Variants in PAPPA observed in about 807,000 individuals in gnomAD.
PAPPA encodes the protein pappalysin 1.
A neutral mutation model predicts 164.0 loss-of-function variants in PAPPA; 60 were observed. That is an observed-to-expected ratio of 0.37 (90% CI 0.30 to 0.45). The LOEUF (loss-of-function observed/expected upper bound fraction) is 0.45. Ranked by LOEUF, PAPPA falls within the 20% of genes least tolerant of loss-of-function variation. The pLI is 1.00. For missense variants in PAPPA, 1,782 were observed against 2,087.3 expected (o/e 0.85, Z 2.85); for synonymous variants, 875 against 814.1 (o/e 1.07, Z -1.27).
intron 5 of PAPPA, among the ~76,000 whole-genome samples, chr9:116,223,135 A>G (rs1350572647): frequency 6.6e-6 from 1 of 152,156 alleles, no homozygotes; most frequent in Non-Finnish European, 1.5e-5. Flanking sequence ...TGCACTTACT[A>G]TGCTCTGTAG....
At chr9:116,311,475 G>A (rs576842482) in intron 10 of PAPPA, among the ~76,000 whole-genome samples, 1 of 152,204 alleles carries the variant, frequency 6.6e-6, no homozygotes. Context: ...AAAGTGACAG[G>A]TTATGTAGAA....
chr9:116,378,600 G>T (rs1177900885), intron 20 of PAPPA, among the ~76,000 whole-genome samples: 1 of 152,170 alleles, frequency 6.6e-6, no homozygotes, highest in Non-Finnish European at 1.5e-5. Context: ...TTTAAAATGG[G>T]TAAACAGAGA....
intron 13 of PAPPA, among the ~76,000 whole-genome samples, chr9:116,340,270 G>A (rs981186924): frequency 6.6e-6 from 1 of 152,156 alleles, no homozygotes; most frequent in Admixed American, 6.5e-5. Context: ...AAATGACAGG[G>A]CTGTATCACA....
intron 1 of PAPPA, among the ~76,000 whole-genome samples, chr9:116,173,677 T>A (rs1587938157): frequency 6.6e-6 from 1 of 152,190 alleles, no homozygotes; most frequent in African/African-American, 2.4e-5. Context: ...GTGGACTTCA[T>A]AGCTCTTGCC....
chr9:116,389,838 A>ATACT (rs1846866944), intron 21 of PAPPA, among the ~76,000 whole-genome samples: 1 of 150,802 alleles, frequency 6.6e-6, no homozygotes, highest in Non-Finnish European at 1.5e-5. Context: ...TTCTTCCCTA[A>ATACT]TACTTATCAC....
chr9:116,312,365 A>G (rs771181079), intron 10 of PAPPA, among the ~76,000 whole-genome samples: 59 of 139,968 alleles, frequency 4.2e-4, no homozygotes, highest in Non-Finnish European at 6.0e-5. Context: ...TTTGCTGTGT[A>G]ATTTAGTTTC....
At chr9:116,392,201 T>C (rs780636853) in intron 21 of PAPPA, among the ~76,000 whole-genome samples, 1 of 152,242 alleles carries the variant, frequency 6.6e-6, no homozygotes, top group Non-Finnish European at 1.5e-5. Context: ...ATAAAGGTTA[T>C]TGGTGATTAA....
chr9:116,291,024 C>A (rs557737631), intron 9 of PAPPA, among the ~76,000 whole-genome samples: 61 of 152,208 alleles, frequency 4.0e-4, no homozygotes, highest in Non-Finnish European at 7.5e-4. Context: ...CTTGAGATAT[C>A]ATTGAAACCC....
At chr9:116,267,847 A>G (rs1315667294) in intron 8 of PAPPA, among the ~76,000 whole-genome samples, 1 of 134,198 alleles carries the variant, frequency 7.5e-6, no homozygotes, top group Non-Finnish European at 1.6e-5. Context: ...TGCAGTCTGC[A>G]GTCCGGCCTG....
intron 14 of PAPPA, among the ~76,000 whole-genome samples, chr9:116,345,800 T>A (rs1846199947): frequency 6.6e-6 from 1 of 152,182 alleles, no homozygotes. Context: ...TGTGACAGAA[T>A]GTTGCTTCAG....
chr9:116,349,350 A>C lies in PAPPA; in HGVS notation c.3964+2141A>C, dbSNP rs866201932. Among the ~76,000 whole-genome samples, 38 of 152,310 alleles carry C rather than the reference A, an allele frequency of 2.5e-4. No individual in the cohort carries two copies. The Middle Eastern group carries it at 0.01, about 41-fold the overall frequency. On this transcript the variant is annotated intron_variant, in intron 15 of 21. Coordinates refer to ENST00000328252, the MANE Select transcript of PAPPA (RefSeq NM_002581.5). ...GGTGATTTGTTCAAGGTCACAGATA[A>C]ATTCATACTTTATGCATTCAACAAA...
intron 6 of PAPPA, among the ~76,000 whole-genome samples, chr9:116,231,806 G>C (rs573182144): frequency 1.0e-5 from 1 of 97,770 alleles, no homozygotes; most frequent in Admixed American, 1.6e-4. Context: ...TTGTTGCCCA[G>C]GCTGGAGTGC....
At chr9:116,209,608 T>C (rs1844282180) in intron 3 of PAPPA, among the ~76,000 whole-genome samples, 1 of 152,146 alleles carries the variant, frequency 6.6e-6, no homozygotes, top group South Asian at 2.1e-4. Flanking sequence ...ATTTCACCTT[T>C]TAAGAGAAGC....
intron 7 of PAPPA, among the ~76,000 whole-genome samples, chr9:116,253,354 C>T (rs1844882252): frequency 6.6e-6 from 1 of 152,156 alleles, no homozygotes; most frequent in African/African-American, 2.4e-5. Context: ...TCCATTTTGA[C>T]TGAGCTTCAT....
chr9:116,304,680 G>C (rs554074585), intron 10 of PAPPA, among the ~76,000 whole-genome samples: 42 of 152,184 alleles, frequency 2.8e-4, no homozygotes, highest in African/African-American at 9.6e-4. Context: ...AATCTTGTAA[G>C]GGGGGGCTGT....
At chr9:116,209,771 A>G (rs1564184946) in intron 3 of PAPPA, among the ~76,000 whole-genome samples, 1 of 152,140 alleles carries the variant, frequency 6.6e-6, no homozygotes, top group Non-Finnish European at 1.5e-5. Flanking sequence ...TACCTCAATA[A>G]TGAAGCTTCA....
intron 21 of PAPPA, among the ~76,000 whole-genome samples, chr9:116,383,647 G>A (rs555589404): frequency 6.6e-6 from 1 of 152,290 alleles, no homozygotes; most frequent in Non-Finnish European, 1.5e-5. Context: ...GAACAAATGG[G>A]ACAAGACCCA....
intron 21 of PAPPA, among the ~76,000 whole-genome samples, chr9:116,395,002 A>G (rs1846943743): frequency 6.6e-6 from 1 of 152,160 alleles, no homozygotes; most frequent in Non-Finnish European, 1.5e-5. Context: ...AAGGAGAGGG[A>G]GCGGGAGAGA....
rs1844265224 is a variant in PAPPA at position 116,208,469 on chromosome 9, C to T, written c.1624+868C>T. On this transcript the variant is annotated intron_variant, in intron 3 of 21. Coordinates refer to ENST00000328252, the MANE Select transcript of PAPPA (RefSeq NM_002581.5). ...AAAGCACCCTTGTGGGTTATTTTCC[C>T]CTCTCTAAAGCCAAGATTTTTAATA... is the stretch of plus-strand genomic sequence containing the variant. Among the ~76,000 whole-genome samples, 4 of 152,144 alleles carry T rather than the reference C, an allele frequency of 2.6e-5. No homozygotes were observed. In the South Asian group the frequency reaches 8.3e-4, roughly 32 times the overall value.
Sources: allele counts gnomAD v4.1 joint callset (sites outside exome capture counted in the v4.1 genomes callset), GRCh38; gene constraint gnomAD v4.1.1; transcripts MANE v1.5; gene names NCBI Gene and HGNC (gene_info 2026-07-23, HGNC 2026-07-21).